The following IL10RB variants were observed in gnomAD, a reference collection of about 807,000 sequenced individuals.
IL10RB encodes interleukin-10 receptor subunit beta.
IL10RB carries 30 observed loss-of-function variants against 38.7 expected under a neutral mutation model. The ratio of observed to expected loss-of-function variants is 0.78; its 90% CI spans 0.58 to 1.05. The LOEUF is 1.05. Ranked by LOEUF, IL10RB falls within the 50% of genes least tolerant of loss-of-function variation. The probability of loss-of-function intolerance (pLI) is 0.00; values close to 1 mark genes in which losing one functional copy is unlikely to be tolerated. For missense variants in IL10RB, 328 were observed against 397.1 expected (o/e 0.83, Z 1.48); for synonymous variants, 142 against 145.9 (o/e 0.97, Z 0.19).
At chr21:33,285,714 T>A (rs1010643468) in intron 5 of IL10RB, among the ~76,000 whole-genome samples, 12 of 152,192 alleles carry the variant, frequency 7.9e-5, no homozygotes, top group Non-Finnish European at 1.5e-4. Context: ...GATCCCTGTT[T>A]GAATGAGTCT....
chr21:33,269,804 T>G (rs1023918753), intron 2 of IL10RB, among the ~76,000 whole-genome samples: 1 of 151,790 alleles, frequency 6.6e-6, no homozygotes, highest in African/African-American at 2.4e-5. Context: ...GAGTACAGGC[T>G]CCCACCACCA....
At chr21:33,306,458 A>G (rs2082999077) in intron 1 of IL10RB, among the ~76,000 whole-genome samples, 1 of 152,186 alleles carries the variant, frequency 6.6e-6, no homozygotes, top group East Asian at 1.9e-4. Context: ...AATTGATTAA[A>G]TTTTTAATCA....
chr21:33,303,292 G>A (rs2082990409), intron 1 of IL10RB, among the ~76,000 whole-genome samples: 1 of 151,920 alleles, frequency 6.6e-6, no homozygotes, highest in Non-Finnish European at 1.5e-5. Context: ...TTGCGGGGAG[G>A]GTGGAATCCT....
chr21:33,284,129 C>G (rs772454472), intron 5 of IL10RB, among the ~76,000 whole-genome samples: 7 of 151,966 alleles, frequency 4.6e-5, no homozygotes, highest in Non-Finnish European at 1.0e-4. Flanking sequence ...AACCCTGTCT[C>G]TACCAAAAAT....
At chr21:33,307,353 C>T (rs1032405193) in intron 1 of IL10RB, among the ~76,000 whole-genome samples, 4 of 152,136 alleles carry the variant, frequency 2.6e-5, no homozygotes, top group African/African-American at 9.7e-5. Context: ...GCAGTCTTGC[C>T]TGTTCTGGAC....
intron 2 of IL10RB, among the ~76,000 whole-genome samples, chr21:33,275,152 C>CTTT (rs71320298): frequency 8.3e-4 from 85 of 102,270 alleles, no homozygotes; most frequent in Non-Finnish European, 8.7e-4. Context: ...TCCAACTTTT[C>CTTT]TTTTTTTTTT....
In IL10RB at chr21:33,292,462, C is replaced by T. The variant is rs578023799; in HGVS notation, c.805-3722C>T. Among the ~76,000 whole-genome samples the T allele has an allele frequency of 2.6e-5, 4 of 152,198 alleles. No homozygotes were observed. In the South Asian group the frequency reaches 6.2e-4, roughly 24 times the overall value. On this transcript the variant is annotated intron_variant, in intron 6 of 6. Coordinates refer to ENST00000290200, the MANE Select transcript of IL10RB (RefSeq NM_000628.5). ...CATGTGAGCAGACACAGACACGGTG[C>T]GACAGGGGTAGAGGGGACAGGAGTC...
At chr21:33,278,731 G>T (rs1376644157) in intron 3 of IL10RB, among the ~76,000 whole-genome samples, 1 of 152,226 alleles carries the variant, frequency 6.6e-6, no homozygotes, top group Non-Finnish European at 1.5e-5. Context: ...GTATTTTAGT[G>T]ATAGGAAAGT....
At chr21:33,269,824 A>G (rs2123563239) in intron 2 of IL10RB, among the ~76,000 whole-genome samples, 1 of 151,968 alleles carries the variant, frequency 6.6e-6, no homozygotes, top group Non-Finnish European at 1.5e-5. Flanking sequence ...ATGCCCAGCT[A>G]ATTTTTTGTA....
At chr21:33,300,753 C>T (rs2082983967), downstream of IL10RB, among the ~76,000 whole-genome samples, 1 of 152,126 alleles carries the variant, frequency 6.6e-6, no homozygotes, top group African/African-American at 2.4e-5. Flanking sequence ...AGAGAAGGTG[C>T]CACCTATGAG....
chr21:33,266,623 G>T (rs45589542), intron 1 of IL10RB, 109 bp downstream of exon 1: 1,071 of 1,115,482 alleles, frequency 9.6e-4, no homozygotes, highest in Non-Finnish European at 1.3e-3. Context: ...AGCCTTCGGG[G>T]CCTCGGGAGA....
At chr21:33,298,329 T>C (rs974774045), downstream of IL10RB, among the ~76,000 whole-genome samples, 1 of 152,112 alleles carries the variant, frequency 6.6e-6, no homozygotes, top group African/African-American at 2.4e-5. Flanking sequence ...AGAAATAAAA[T>C]TTGGCCGGGT....
At chr21:33,308,323 A>C (rs2083003729) in intron 1 of IL10RB, 1 of 152,210 alleles carries the variant, frequency 6.6e-6, no homozygotes, top group Admixed American at 6.5e-5. Context: ...TTCAAAGTGA[A>C]TCACTTCATG....
At chr21:33,298,638 TA>T (rs996934568), downstream of IL10RB, among the ~76,000 whole-genome samples, 1 of 151,972 alleles carries the variant, frequency 6.6e-6, no homozygotes, top group Non-Finnish European at 1.5e-5. Context: ...AATAATAAAA[TA>T]AAAAATTATT....
intron 5 of IL10RB, among the ~76,000 whole-genome samples, chr21:33,284,158 T>G (rs1040677531): frequency 4.0e-5 from 6 of 151,754 alleles, no homozygotes; most frequent in Non-Finnish European, 7.4e-5. Context: ...TAGCCAGGTG[T>G]GGTGGCGCAC....
chr21:33,301,656 G>T (rs1007310543), downstream of IL10RB, among the ~76,000 whole-genome samples: 1 of 152,198 alleles, frequency 6.6e-6, no homozygotes, highest in Non-Finnish European at 1.5e-5. Flanking sequence ...GGGTGGGAGC[G>T]ATAGCCAACC....
chr21:33,279,716 AT>A (rs1372281206), intron 3 of IL10RB, 35 bp from the exon 4 acceptor site: 7 of 1,598,634 alleles, frequency 4.4e-6, no homozygotes, highest in Middle Eastern at 1.7e-4. Context: ...TTAAAATGTG[AT>A]TTTTGATTGT....
At chr21:33,309,495 T>A (rs1420172281) in exon 2 of IL10RB, 1 of 152,230 alleles carries the variant, frequency 6.6e-6, no homozygotes, top group Non-Finnish European at 1.5e-5. Flanking sequence ...TGTGGGTTCA[T>A]AATCTTTTAT....
intron 2 of IL10RB, among the ~76,000 whole-genome samples, chr21:33,275,028 T>A (rs933785921): frequency 4.6e-5 from 7 of 152,206 alleles, no homozygotes; most frequent in African/African-American, 1.7e-4. Context: ...TTTAGCTAGA[T>A]CTTCTGGATA....
Sources: gnomAD v4.1 joint callset for allele counts (sites outside exome capture counted in the v4.1 genomes callset) on GRCh38, gnomAD v4.1.1 for gene constraint, MANE v1.5 for transcripts, NCBI Gene and HGNC (gene_info 2026-07-23, HGNC 2026-07-21) for gene names.